The following DZANK1 variants were observed in gnomAD, a reference collection of about 807,000 sequenced individuals.
DZANK1 encodes the protein double zinc ribbon and ankyrin repeat domains 1, also known as double zinc ribbon and ankyrin repeat-containing protein 1.
DZANK1 carries 91 observed loss-of-function variants against 94.5 expected under a neutral mutation model. The ratio of observed to expected loss-of-function variants is 0.96; its 90% CI spans 0.81 to 1.15. The LOEUF (loss-of-function observed/expected upper bound fraction) is 1.15, where lower values mean the gene tolerates loss of function less well. Among genes scored for constraint, DZANK1 ranks in the 50% most tolerant of loss-of-function variants. The pLI is 0.00. For missense variants in DZANK1, 903 were observed against 916.4 expected (o/e 0.99, Z 0.19); for synonymous variants, 312 against 325.3 (o/e 0.96, Z 0.44).
chr20:18,460,289 T>A (rs749970927), exon 3 of DZANK1: 3 of 1,563,696 alleles, frequency 1.9e-6, no homozygotes, highest in Non-Finnish European at 2.6e-6. Context: ...GTATAATATA[T>A]GTTGACATCT....
chr20:18,426,123 A>T (rs1020018729), intron 10 of DZANK1, among the ~76,000 whole-genome samples: 1 of 152,218 alleles, frequency 6.6e-6, no homozygotes, highest in African/African-American at 2.4e-5. Flanking sequence ...ACCAGGCCAC[A>T]CAGCAGGAGG....
chr20:18,430,596 T>C (rs988062638), intron 9 of DZANK1, among the ~76,000 whole-genome samples: 8 of 152,156 alleles, frequency 5.3e-5, no homozygotes, highest in Non-Finnish European at 8.8e-5. Context: ...GGGAGGATCA[T>C]GTGAGCTCAG....
intron 17 of DZANK1, among the ~76,000 whole-genome samples, chr20:18,392,919 G>C (rs2056100360): frequency 6.6e-6 from 1 of 152,230 alleles, no homozygotes; most frequent in Non-Finnish European, 1.5e-5. Flanking sequence ...GTTGGGCGTA[G>C]CCTGAATGCA....
At chr20:18,415,379 C>T in exon 11 of DZANK1, 7 of 1,596,804 alleles carry the variant, frequency 4.4e-6, no homozygotes, top group Non-Finnish European at 5.1e-6. Flanking sequence ...CCAGCGACCA[C>T]ATCTGTAGCA....
intron 11 of DZANK1, among the ~76,000 whole-genome samples, chr20:18,414,943 G>A (rs2057418054): frequency 2.0e-5 from 3 of 152,186 alleles, no homozygotes; most frequent in Non-Finnish European, 4.4e-5. Context: ...GCTTCTGAGA[G>A]GAGAACTGTG....
At chr20:18,418,307 A>G (rs892179945) in intron 10 of DZANK1, among the ~76,000 whole-genome samples, 3 of 152,160 alleles carry the variant, frequency 2.0e-5, no homozygotes, top group African/African-American at 2.4e-5. Context: ...AAGCTGGGGA[A>G]TATTTGGCTG....
chr20:18,426,683 A>C (rs2058058373), intron 10 of DZANK1, among the ~76,000 whole-genome samples: 1 of 152,194 alleles, frequency 6.6e-6, no homozygotes, highest in African/African-American at 2.4e-5. Flanking sequence ...CAATTTCAAA[A>C]AGCAGTGTGC....
At chr20:18,394,136 A>G in intron 16 of DZANK1, 118 bp downstream of exon 16, 2 of 873,340 alleles carry the variant, frequency 2.3e-6, no homozygotes, top group East Asian at 5.3e-5. Context: ...AAACGTCTGG[A>G]ACATAACTGC....
intron 9 of DZANK1, 76 bp from the exon 10 acceptor site, chr20:18,427,235 C>G: frequency 1.7e-6 from 2 of 1,155,806 alleles, no homozygotes. Flanking sequence ...CCAGTCTTTT[C>G]TGTCAGTCAT....
intron 1 of DZANK1, among the ~76,000 whole-genome samples, chr20:18,466,703 G>A (rs1395218823): frequency 1.3e-5 from 2 of 152,210 alleles, no homozygotes; most frequent in African/African-American, 4.8e-5. Flanking sequence ...CCACGCAAAG[G>A]GAATCAAGAA....
chr20:18,433,623 C>T (rs372398502), intron 9 of DZANK1, 29 bp downstream of exon 9: 165 of 1,588,952 alleles, frequency 1.0e-4, no homozygotes, highest in Non-Finnish European at 1.4e-4. Flanking sequence ...GTATTTCATT[C>T]ATGTTTTTAC....
intron 13 of DZANK1, among the ~76,000 whole-genome samples, chr20:18,400,397 C>T (rs2056606404): frequency 6.6e-6 from 1 of 152,206 alleles, no homozygotes. Flanking sequence ...AGGGGATCTG[C>T]TCCCCGGCTC....
At chr20:18,432,445 T>G (rs1185589446) in intron 9 of DZANK1, 1 of 152,222 alleles carries the variant, frequency 6.6e-6, no homozygotes, top group Non-Finnish European at 1.5e-5. Context: ...TTAAGCATCT[T>G]AAGATTGAAA....
intron 13 of DZANK1, among the ~76,000 whole-genome samples, chr20:18,400,000 C>A (rs115576724): frequency 6.6e-6 from 1 of 152,190 alleles, no homozygotes; most frequent in African/African-American, 2.4e-5. Context: ...GACAAGCCTG[C>A]GTTTAAATCC....
chr20:18,465,463 C>G, intron 1 of DZANK1, 86 bp from the exon 2 acceptor site: 1 of 428,870 alleles, frequency 2.3e-6, no homozygotes, highest in East Asian at 3.6e-5. Context: ...CTAGTTAAAA[C>G]GAGAGAATAC....
intron 2 of DZANK1, among the ~76,000 whole-genome samples, chr20:18,461,308 T>A (rs1601196723): frequency 6.6e-6 from 1 of 152,220 alleles, no homozygotes. Context: ...GTATGTCTTA[T>A]ATTGGTACAT....
intron 3 of DZANK1, 51 bp downstream of exon 3, chr20:18,460,102 C>T: frequency 7.2e-6 from 9 of 1,243,514 alleles, no homozygotes; most frequent in Non-Finnish European, 9.6e-6. Flanking sequence ...AAAATTAGAA[C>T]ATAATGTTAT....
exon 4 of DZANK1, chr20:18,455,319 T>C (rs2059248039): frequency 1.9e-6 from 3 of 1,608,868 alleles, no homozygotes; most frequent in South Asian, 1.1e-5. Context: ...GTTCATAGTC[T>C]ACGTGAAACA....
chr20:18,394,422 T>C (rs963047214), intron 15 of DZANK1, 72 bp from the exon 16 acceptor site: 3 of 1,409,476 alleles, frequency 2.1e-6, no homozygotes, highest in Non-Finnish European at 2.9e-6. Flanking sequence ...AGGATCTCCC[T>C]TCTAACCTGC....
Sources: allele counts gnomAD v4.1 joint callset (sites outside exome capture counted in the v4.1 genomes callset), GRCh38; gene constraint gnomAD v4.1.1; transcripts MANE v1.5; gene names NCBI Gene and HGNC (gene_info 2026-07-23, HGNC 2026-07-21).